The following PAH variants were observed in gnomAD, a reference collection of about 807,000 sequenced individuals.
PAH encodes the protein phenylalanine hydroxylase, also known as phenylalanine-4-hydroxylase.
In PAH, 64 loss-of-function variants were observed where a neutral mutation model predicts 62.0. The observed-to-expected ratio is 1.03, with a 90% confidence interval of 0.84 to 1.27. The LOEUF is 1.27. Among genes scored for constraint, PAH ranks in the 50% most tolerant of loss-of-function variants. PAH has a pLI of 0.00. For missense variants in PAH, 579 were observed against 542.8 expected (o/e 1.07, Z -0.66); for synonymous variants, 195 against 196.2 (o/e 0.99, Z 0.05).
At chr12:102,882,469 A>C (rs575195996) in intron 3 of PAH, among the ~76,000 whole-genome samples, 27 of 152,206 alleles carry the variant, frequency 1.8e-4, no homozygotes, top group African/African-American at 6.3e-4. Context: ...ATTGCTTTAT[A>C]AGAACAACAT....
At chr12:102,944,520 C>T (rs949670222) in intron 1 of PAH, among the ~76,000 whole-genome samples, 7 of 152,304 alleles carry the variant, frequency 4.6e-5, no homozygotes, top group East Asian at 1.9e-4. Context: ...TCTTCTGCTT[C>T]GTCAATTATC....
intron 5 of PAH, among the ~76,000 whole-genome samples, chr12:102,858,210 T>A (rs2264625): frequency 0.64 from 97,071 of 151,536 alleles, 32,424 homozygotes; most frequent in African/African-American, 0.78. Context: ...AAACCAACAA[T>A]GATAAAAAGA....
At chr12:102,846,863 C>G (rs766707254) in intron 9 of PAH, 32 bp downstream of exon 9, 1 of 1,590,224 alleles carries the variant, frequency 6.3e-7, no homozygotes, top group African/African-American at 1.3e-5. Flanking sequence ...CTATAGCACT[C>G]CACCATCCAC....
chr12:102,955,649 CA>C (rs1879888198), upstream of PAH, among the ~76,000 whole-genome samples: 1 of 152,178 alleles, frequency 6.6e-6, no homozygotes, highest in African/African-American at 2.4e-5. Context: ...CCTATTTCTG[CA>C]AGTGGTCTGA....
At chr12:102,879,384 G>A (rs1454020517) in intron 3 of PAH, among the ~76,000 whole-genome samples, 2 of 151,538 alleles carry the variant, frequency 1.3e-5, no homozygotes, top group Non-Finnish European at 2.9e-5. Context: ...AAGAGCATGT[G>A]TGCTATCTAG....
At chr12:102,948,963 T>A (rs1879618834) in intron 1 of PAH, among the ~76,000 whole-genome samples, 1 of 152,106 alleles carries the variant, frequency 6.6e-6, no homozygotes, top group Non-Finnish European at 1.5e-5. Flanking sequence ...TGGAATAGAA[T>A]CAAGTAGTCC....
chr12:102,897,485 ATATATAT>A (rs1487609956), intron 2 of PAH, among the ~76,000 whole-genome samples: 6 of 139,194 alleles, frequency 4.3e-5, no homozygotes, highest in African/African-American at 1.8e-4. Context: ...ATATATATAT[ATATATAT>A]AATTCAAACT....
upstream of PAH, chr12:102,917,266 G>T: frequency 1.3e-6 from 1 of 768,912 alleles, no homozygotes. Flanking sequence ...TCTCTTGCGT[G>T]GTGCATCTCC....
chr12:102,896,466 G>A (rs1877507025), intron 2 of PAH, among the ~76,000 whole-genome samples: 2 of 152,220 alleles, frequency 1.3e-5, no homozygotes, highest in African/African-American at 2.4e-5. Flanking sequence ...GGCTTAAAAG[G>A]ACCAGTCTAA....
At chr12:102,958,358 G>GGCGGCC in exon 1 of PAH, 1 of 1,424,750 alleles carries the variant, frequency 7.0e-7, no homozygotes, top group Non-Finnish European at 9.1e-7. Context: ...CCGCAGCCGC[G>GGCGGCC]GCGGCCGCAG....
chr12:102,900,937 C>A (rs1877727021), intron 2 of PAH, among the ~76,000 whole-genome samples: 1 of 152,048 alleles, frequency 6.6e-6, no homozygotes, highest in Non-Finnish European at 1.5e-5. Context: ...AACAATTTCA[C>A]GATTTGTCTA....
chr12:102,937,246 T>C (rs960975207), intron 1 of PAH, among the ~76,000 whole-genome samples: 1 of 152,212 alleles, frequency 6.6e-6, no homozygotes, highest in Non-Finnish European at 1.5e-5. Flanking sequence ...TTAGTCCATT[T>C]ATATTCAATG....
intron 1 of PAH, among the ~76,000 whole-genome samples, chr12:102,934,881 C>G (rs887525435): frequency 3.3e-5 from 5 of 152,092 alleles, no homozygotes; most frequent in African/African-American, 1.2e-4. Flanking sequence ...TTGACTTTCT[C>G]CTTTCCAAAT....
At chr12:102,895,498 C>G (rs1476102726) in intron 2 of PAH, among the ~76,000 whole-genome samples, 1 of 152,022 alleles carries the variant, frequency 6.6e-6, no homozygotes, top group Non-Finnish European at 1.5e-5. Flanking sequence ...TACATGTGCA[C>G]CACTTGGCAC....
chr12:102,854,528 T>G lies in PAH; in HGVS notation c.706+608A>C, dbSNP rs1001642956. The stretch of plus-strand genomic sequence containing the variant: ...AGATTTCAATTCAGTCCAAATTCAC[T>G]GAATACCTGCTGTATATGCAAGACT... On this transcript the variant is annotated intron_variant, in intron 6 of 12. Transcript: ENST00000553106. 6.6e-6 allele frequency among the ~76,000 whole-genome samples: 1 copy of G among 152,234 alleles called. No homozygotes were observed. Among genetic ancestry groups the G allele is most frequent in the East Asian group, 1.9e-4 (1 of 5,198 alleles).
At chr12:102,898,749 A>G (rs1224275817) in intron 2 of PAH, among the ~76,000 whole-genome samples, 1 of 152,146 alleles carries the variant, frequency 6.6e-6, no homozygotes, top group South Asian at 2.1e-4. Flanking sequence ...TTTTTTTTCT[A>G]ATTTCAGTCA....
chr12:102,856,540 G>T (rs925124585), intron 5 of PAH, among the ~76,000 whole-genome samples: 66 of 152,324 alleles, frequency 4.3e-4, no homozygotes, highest in African/African-American at 1.4e-3. Context: ...GCCTTCTCAA[G>T]TGAGTCCCTG....
chr12:102,871,384 G>A (rs1477672085), intron 4 of PAH, among the ~76,000 whole-genome samples: 3 of 152,088 alleles, frequency 2.0e-5, no homozygotes, highest in African/African-American at 4.8e-5. Context: ...GCCTTCACAC[G>A]TGTTCTACCC....
At chr12:102,840,772 GA>G (rs907945892) in intron 11 of PAH, among the ~76,000 whole-genome samples, 2 of 152,016 alleles carry the variant, frequency 1.3e-5, no homozygotes, top group African/African-American at 4.8e-5. Flanking sequence ...AGAAGACAGA[GA>G]TAGCTTACAA....
Sources: gnomAD v4.1 joint callset for allele counts (sites outside exome capture counted in the v4.1 genomes callset) on GRCh38, gnomAD v4.1.1 for gene constraint, MANE v1.5 for transcripts, NCBI Gene and HGNC (gene_info 2026-07-23, HGNC 2026-07-21) for gene names.